The following GPHN variants were observed in gnomAD, a reference collection of about 807,000 sequenced individuals.
The protein encoded by GPHN is gephyrin.
GPHN carries 17 observed loss-of-function variants against 95.5 expected under a neutral mutation model. The ratio of observed to expected loss-of-function variants is 0.18; its 90% CI spans 0.12 to 0.27. GPHN has a LOEUF of 0.27. GPHN is among the 10% of genes least tolerant of loss of function. The pLI, the probability that GPHN is intolerant of heterozygous loss-of-function variation, is 1.00. For missense variants in GPHN, 660 were observed against 978.1 expected (o/e 0.67, Z 4.34); for synonymous variants, 320 against 322.5 (o/e 0.99, Z 0.08).
the GPHN span, chr14:67,735,330 G>C: frequency 1.3e-6 from 1 of 786,372 alleles, no homozygotes; most frequent in Non-Finnish European, 2.3e-6. Context: ...GACACCAAAA[G>C]GACCATCTAG....
At chr14:66,842,419 T>C (rs2062137635) in intron 4 of GPHN, among the ~76,000 whole-genome samples, 1 of 152,130 alleles carries the variant, frequency 6.6e-6, no homozygotes, top group Non-Finnish European at 1.5e-5. Context: ...TGTAAACATA[T>C]GAGTGAATTT....
the GPHN span, among the ~76,000 whole-genome samples, chr14:67,478,047 G>A: frequency 4.6e-5 from 7 of 152,298 alleles, no homozygotes; most frequent in African/African-American, 1.4e-4. Flanking sequence ...GTTAGCAATC[G>A]CCATATAACA....
the GPHN span, among the ~76,000 whole-genome samples, chr14:67,331,101 G>C: frequency 7.1e-4 from 108 of 152,218 alleles, no homozygotes; most frequent in African/African-American, 2.5e-3. Flanking sequence ...CTGGAGTGCA[G>C]TGGCACAATC....
chr14:67,392,091 G>T, the GPHN span, among the ~76,000 whole-genome samples: 1 of 152,320 alleles, frequency 6.6e-6, no homozygotes, highest in African/African-American at 2.4e-5. Context: ...GTGTGTGTGT[G>T]TAGTACATTT....
chr14:67,380,084 G>C, the GPHN span, among the ~76,000 whole-genome samples: 1 of 152,044 alleles, frequency 6.6e-6, no homozygotes, highest in Non-Finnish European at 1.5e-5. Context: ...TTTTACAATA[G>C]TTCTACCTTT....
At chr14:66,842,695 A>C in intron 4 of GPHN, 1 of 1,534,808 alleles carries the variant, frequency 6.5e-7, no homozygotes, top group Non-Finnish European at 8.7e-7. Context: ...CAACATTCCC[A>C]TTTTGTGGGC....
At chr14:67,075,463 G>T (rs185285653) in intron 11 of GPHN, among the ~76,000 whole-genome samples, 1 of 152,092 alleles carries the variant, frequency 6.6e-6, no homozygotes, top group Non-Finnish European at 1.5e-5. Context: ...ATAGATCAAG[G>T]AGTAATTTCA....
chr14:66,545,571 A>C (rs1437943179), intron 1 of GPHN, among the ~76,000 whole-genome samples: 2 of 60,696 alleles, frequency 3.3e-5, no homozygotes, highest in Non-Finnish European at 2.5e-5. Context: ...TGACCCCCCC[A>C]CCTCCCTCCC....
chr14:67,230,740 G>C, the GPHN span, among the ~76,000 whole-genome samples: 1 of 152,076 alleles, frequency 6.6e-6, no homozygotes, highest in Non-Finnish European at 1.5e-5. Flanking sequence ...ACAAATTGTC[G>C]TATGGTCATA....
chr14:67,418,055 T>C, the GPHN span, among the ~76,000 whole-genome samples: 1 of 152,124 alleles, frequency 6.6e-6, no homozygotes, highest in Non-Finnish European at 1.5e-5. Context: ...CTGGATAAAA[T>C]GTTAAAGCTG....
chr14:67,445,712 G>A, the GPHN span, among the ~76,000 whole-genome samples: 1 of 148,846 alleles, frequency 6.7e-6, no homozygotes, highest in African/African-American at 2.5e-5. Flanking sequence ...GTCCTCCTAA[G>A]TAGCTGGTAC....
chr14:66,734,272 C>G (rs546175727), intron 2 of GPHN, among the ~76,000 whole-genome samples: 1 of 152,246 alleles, frequency 6.6e-6, no homozygotes, highest in East Asian at 1.9e-4. Flanking sequence ...CTGACCTTCT[C>G]TCCAATCTCA....
the GPHN span, chr14:67,717,908 T>C: frequency 6.6e-6 from 1 of 152,182 alleles, no homozygotes; most frequent in African/African-American, 2.4e-5. Flanking sequence ...TATTTTTTTT[T>C]AAATGTCAAT....
the GPHN span, among the ~76,000 whole-genome samples, chr14:67,632,493 C>A: frequency 6.6e-6 from 1 of 152,274 alleles, no homozygotes; most frequent in East Asian, 1.9e-4. Flanking sequence ...GGGAAACAGA[C>A]TTCTCATATC....
At chr14:66,582,853 ATG>A (rs1184359245) in intron 1 of GPHN, among the ~76,000 whole-genome samples, 13 of 152,272 alleles carry the variant, frequency 8.5e-5, no homozygotes, top group Middle Eastern at 6.8e-3. Context: ...ATACATGTGC[ATG>A]TGTCTTTATA....
intron 3 of GPHN, among the ~76,000 whole-genome samples, chr14:66,786,724 A>G (rs967159711): frequency 2.6e-5 from 4 of 152,140 alleles, no homozygotes; most frequent in Non-Finnish European, 5.9e-5. Context: ...CTTCAGTAGT[A>G]GAAAAACAAT....
intron 5 of GPHN, among the ~76,000 whole-genome samples, chr14:66,886,013 T>G (rs2064170985): frequency 1.3e-5 from 2 of 151,882 alleles, no homozygotes; most frequent in Non-Finnish European, 2.9e-5. Context: ...GAAGATGAAA[T>G]GGAGAACTTA....
At chr14:66,994,810 A>G (rs2071675275) in intron 9 of GPHN, among the ~76,000 whole-genome samples, 1 of 152,238 alleles carries the variant, frequency 6.6e-6, no homozygotes, top group African/African-American at 2.4e-5. Context: ...CATATTTTCA[A>G]AAGTACCTCT....
At chr14:66,623,335 C>A (rs1205514961) in intron 1 of GPHN, among the ~76,000 whole-genome samples, 1 of 152,120 alleles carries the variant, frequency 6.6e-6, no homozygotes, top group African/African-American at 2.4e-5. Context: ...GTAGGAGTTA[C>A]AATTGAGGAT....
Sources: allele counts gnomAD v4.1 joint callset (sites outside exome capture counted in the v4.1 genomes callset), GRCh38; gene constraint gnomAD v4.1.1; transcripts MANE v1.5; gene names NCBI Gene and HGNC (gene_info 2026-07-23, HGNC 2026-07-21).